The following RBFOX3 variants were observed in gnomAD, a reference collection of about 807,000 sequenced individuals.
RBFOX3 encodes RNA binding fox-1 homolog 3.
Under a neutral mutation model 48.7 loss-of-function variants are expected in RBFOX3, and 17 were observed. The observed-to-expected ratio is 0.35, with a 90% CI of 0.24 to 0.52. RBFOX3 has a LOEUF of 0.52. Ranked by LOEUF, RBFOX3 falls within the 20% of genes least tolerant of loss-of-function variation. The pLI is 0.94. For missense variants in RBFOX3, 382 were observed against 497.5 expected (o/e 0.77, Z 2.21); for synonymous variants, 212 against 209.5 (o/e 1.01, Z -0.10).
At chr17:79,162,055 C>T (rs2047090675) in intron 4 of RBFOX3, among the ~76,000 whole-genome samples, 1 of 152,122 alleles carries the variant, frequency 6.6e-6, no homozygotes, top group African/African-American at 2.4e-5. Flanking sequence ...CCCAGCTGCC[C>T]CTGCTGAGAA....
intron 3 of RBFOX3, among the ~76,000 whole-genome samples, chr17:79,282,441 T>C (rs1169086794): frequency 6.6e-6 from 1 of 152,190 alleles, no homozygotes; most frequent in Admixed American, 6.5e-5. Context: ...GAATGAAAAA[T>C]GACGAGAGTG....
intron 2 of RBFOX3, among the ~76,000 whole-genome samples, chr17:79,425,937 G>C (rs1029043703): frequency 9.2e-5 from 14 of 152,174 alleles, no homozygotes; most frequent in Non-Finnish European, 1.9e-4. Flanking sequence ...GGTGGTGCGA[G>C]GCGAGGGCTC....
intron 4 of RBFOX3, among the ~76,000 whole-genome samples, chr17:79,170,006 AAAG>A (rs1819592086): frequency 1.3e-5 from 2 of 151,112 alleles, no homozygotes; most frequent in Admixed American, 1.3e-4. Flanking sequence ...AAGTGGGAGG[AAAG>A]AAGGAGGGAA....
At chr17:79,524,113 C>A (rs1373777667) in intron 1 of RBFOX3, among the ~76,000 whole-genome samples, 1 of 152,170 alleles carries the variant, frequency 6.6e-6, no homozygotes, top group Admixed American at 6.5e-5. Context: ...GATTGAGGAC[C>A]TTTGAGTTTT....
At chr17:79,327,169 G>T (rs1394308837) in intron 2 of RBFOX3, among the ~76,000 whole-genome samples, 1 of 152,236 alleles carries the variant, frequency 6.6e-6, no homozygotes, top group Non-Finnish European at 1.5e-5. Context: ...TCCCTCTGTG[G>T]TTCCAGATCT....
intron 2 of RBFOX3, among the ~76,000 whole-genome samples, chr17:79,407,196 C>T (rs1356680904): frequency 2.6e-5 from 4 of 152,198 alleles, no homozygotes; most frequent in Non-Finnish European, 4.4e-5. Context: ...TTAGTAGAGA[C>T]GGGGTTTTGC....
At chr17:79,321,462 C>T (rs1044581801) in intron 2 of RBFOX3, among the ~76,000 whole-genome samples, 7 of 152,232 alleles carry the variant, frequency 4.6e-5, no homozygotes, top group Non-Finnish European at 8.8e-5. Flanking sequence ...CACAGAAGCC[C>T]TTCTGAGCAT....
chr17:79,326,108 T>G (rs2079273683), intron 2 of RBFOX3, among the ~76,000 whole-genome samples: 1 of 152,154 alleles, frequency 6.6e-6, no homozygotes, highest in Non-Finnish European at 1.5e-5. Context: ...AATTACATAC[T>G]TCTGGGGCGG....
Position 79,151,930 on chromosome 17 carries a change from A to T in RBFOX3, c.-33-36182T>A, listed in dbSNP as rs1438060303. Reference sequence around the variant, plus strand: ...GGAGGGGAGGCGAGGATGGGAGGGGACCTACAGAGGGAGGCGCGGATGGGA... The same window carrying T: ...GGAGGGGAGGCGAGGATGGGAGGGGTCCTACAGAGGGAGGCGCGGATGGGA... On this transcript the variant is annotated intron_variant, in intron 4 of 14. Coordinates refer to ENST00000693108, the MANE Select transcript of RBFOX3 (RefSeq NM_001350451.2). Among the ~76,000 whole-genome samples, 9 of 19,852 alleles carry T rather than the reference A, an allele frequency of 4.5e-4. 2 individuals are homozygous for T. The highest frequency in any genetic ancestry group is 1.2e-3 in the African/African-American group (9 of 7,476). 13.0% of individuals were successfully genotyped at this position (19,852 alleles called of 152,430 possible). A position where few individuals can be genotyped will look rare whatever the true frequency, so the allele number is the denominator to read the frequency against.
At chr17:79,617,351 C>G in the RBFOX3 span, among the ~76,000 whole-genome samples, 2 of 152,260 alleles carry the variant, frequency 1.3e-5, no homozygotes, top group East Asian at 3.9e-4. Flanking sequence ...ATGCTCTTCT[C>G]TCCCCTCGTT....
In RBFOX3 at chr17:79,540,308, G is replaced by A. The variant is rs190264816; in HGVS notation, c.-319-57710C>T. On this transcript the variant is annotated intron_variant, in intron 1 of 14. Coordinates refer to ENST00000693108, the MANE Select transcript of RBFOX3 (RefSeq NM_001350451.2). ...GACCTGAGTCTCTAGAGCAGGGTCC[G>A]GGACTCTCCAATGCTGTGTTCCAGC... Among the ~76,000 whole-genome samples the A allele has an allele frequency of 1.8e-3, 273 of 152,342 alleles. 1 individual carries two copies. The highest frequency in any genetic ancestry group is 4.8e-3 in the Admixed American group (73 of 15,310).
chr17:79,620,648 CGGACAT>C, the RBFOX3 span, among the ~76,000 whole-genome samples: 2 of 31,586 alleles, frequency 6.3e-5, no homozygotes, highest in Non-Finnish European at 1.1e-4. Context: ...CGCACACACA[CGGACAT>C]GCACACACGC....
At chr17:79,625,999 G>A in the RBFOX3 span, among the ~76,000 whole-genome samples, 5 of 152,238 alleles carry the variant, frequency 3.3e-5, no homozygotes, top group Non-Finnish European at 5.9e-5. Context: ...CCAGGGGAAA[G>A]GCGGGCTAAT....
chr17:79,437,047 T>C (rs2069629735), intron 2 of RBFOX3, among the ~76,000 whole-genome samples: 5 of 152,150 alleles, frequency 3.3e-5, no homozygotes, highest in Admixed American at 3.3e-4. Flanking sequence ...TCAATCAGCC[T>C]ACAGGCCGCC....
intron 4 of RBFOX3, among the ~76,000 whole-genome samples, chr17:79,132,494 C>G: frequency 6.6e-6 from 1 of 152,320 alleles, no homozygotes; most frequent in South Asian, 2.1e-4. Flanking sequence ...CGGCACTGGG[C>G]GGCTCCCCTC....
rs1159470115 is a variant in RBFOX3 at position 79,477,931 on chromosome 17, G to A, written c.-175+4523C>T. Among the ~76,000 whole-genome samples the A allele has an allele frequency of 6.6e-6, 1 of 152,112 alleles. No individual in the cohort carries two copies. The highest frequency in any genetic ancestry group is 1.5e-5 in the Non-Finnish European group (1 of 68,030). Reference sequence around the variant, plus strand: ...AGACCCCAGCAACGTCCTTCAGCTGGGCACCGCCTGTTCCACCCAGGAGCA... The same window carrying A: ...AGACCCCAGCAACGTCCTTCAGCTGAGCACCGCCTGTTCCACCCAGGAGCA... On this transcript the variant is annotated intron_variant, in intron 2 of 14. Coordinates refer to ENST00000693108, the MANE Select transcript of RBFOX3 (RefSeq NM_001350451.2). This position sits in a 1 kb window ranked among gnomAD's most constrained non-coding sequence, Gnocchi z 4.8.
Position 79,103,177 on chromosome 17 carries a change from C to T in RBFOX3, c.492G>A (p.Glu164=). 1 of 1,551,360 alleles carries T rather than the reference C, an allele frequency of 6.4e-7. No homozygotes were observed. Among genetic ancestry groups the T allele is most frequent in the South Asian group, 1.2e-5 (1 of 84,058 alleles). Residue 164 remains glutamate, a synonymous_variant, in exon 8 of 15, where the codon GAG becomes GAA. Transcript: ENST00000693108. This position sits in a 1 kb window ranked among gnomAD's most constrained non-coding sequence, Gnocchi z 6.1. The part of the protein sequence containing the change: ...AREKLNGTIV[E]GRKIEVNNAT... ...ATCTGAGCACCTCAATTTTCCGTCCCTCTACGATCGTCCCATTCAGCTTCT... is the reference window on the plus strand; with the variant it reads ...ATCTGAGCACCTCAATTTTCCGTCCTTCTACGATCGTCCCATTCAGCTTCT...
At chr17:79,627,939 C>T in the RBFOX3 span, among the ~76,000 whole-genome samples, 77 of 151,568 alleles carry the variant, frequency 5.1e-4, 1 homozygote, top group Admixed American at 1.3e-4. Flanking sequence ...CCCGTCAACC[C>T]CCTCACCTCT....
intron 2 of RBFOX3, among the ~76,000 whole-genome samples, chr17:79,457,061 G>A (rs1299599120): frequency 6.6e-6 from 1 of 152,242 alleles, no homozygotes; most frequent in Non-Finnish European, 1.5e-5. Flanking sequence ...TGACACACAC[G>A]TGGCACAGGT....
Sources: allele counts gnomAD v4.1 joint callset (sites outside exome capture counted in the v4.1 genomes callset), GRCh38; gene constraint gnomAD v4.1.1; non-coding constraint Gnocchi (gnomAD v3.1); transcripts MANE v1.5; gene names NCBI Gene and HGNC (gene_info 2026-07-23, HGNC 2026-07-21).